The following CRYBG3 variants were observed in gnomAD, a reference collection of about 807,000 sequenced individuals.
CRYBG3 encodes the protein crystallin beta-gamma domain containing 3.
Under a neutral mutation model 244.2 loss-of-function variants are expected in CRYBG3, and 127 were observed. That is an observed-to-expected ratio of 0.52 (90% CI 0.45 to 0.60). The LOEUF (loss-of-function observed/expected upper bound fraction) is 0.60. CRYBG3 is among the 20% of genes least tolerant of loss of function. The pLI is 0.00. For missense variants in CRYBG3, 3,325 were observed against 3,442.5 expected (o/e 0.97, Z 0.85); for synonymous variants, 1,132 against 1,195.8 (o/e 0.95, Z 1.10).
chr3:97,853,590 G>A (rs1165012348), intron 2 of CRYBG3, among the ~76,000 whole-genome samples: 1 of 152,084 alleles, frequency 6.6e-6, no homozygotes, highest in Non-Finnish European at 1.5e-5. Flanking sequence ...GGGATTGCTG[G>A]ATAAAATGGT....
chr3:97,882,634 C>T (rs1348471437), intron 7 of CRYBG3, among the ~76,000 whole-genome samples: 2 of 152,090 alleles, frequency 1.3e-5, no homozygotes, highest in South Asian at 4.1e-4. Context: ...TACAGTTACT[C>T]ATGTGACAGT....
chr3:97,877,349 T>A lies in CRYBG3; in HGVS notation c.6155T>A (p.Phe2052Tyr). 1 of 1,614,086 alleles carries A rather than the reference T, an allele frequency of 6.2e-7. No homozygotes were observed. Among genetic ancestry groups the A allele is most frequent in the Non-Finnish European group, 8.5e-7 (1 of 1,179,972 alleles). ...AGTAGAACTGACCTTGTCCATCACT[T>A]TGAAAAAGGTACTAAATTAGGTGAG... The part of the protein sequence containing the change: ...SESRTDLVHH[F>Y]EKGTKLGETF... Residue 2052 changes from phenylalanine to tyrosine, a missense_variant, in exon 4 of 22, where the codon TTT becomes TAT. Around this residue, in one of 4 missense-constraint regions of CRYBG3, gnomAD observed 450 missense variants for 424.1 expected, o/e 1.06. Coordinates refer to ENST00000389622, the MANE Select transcript of CRYBG3 (RefSeq NM_153605.4).
At chr3:97,841,786 G>A (rs1460482914) in intron 1 of CRYBG3, among the ~76,000 whole-genome samples, 1 of 152,018 alleles carries the variant, frequency 6.6e-6, no homozygotes, top group African/African-American at 2.4e-5. Flanking sequence ...ATTTCATAAC[G>A]GGTCAGCCCT....
intron 2 of CRYBG3, among the ~76,000 whole-genome samples, chr3:97,849,012 C>T (rs904346759): frequency 3.3e-5 from 5 of 152,224 alleles, no homozygotes; most frequent in Non-Finnish European, 7.3e-5. Context: ...ATGGAAAGAA[C>T]ACAGTCTTTG....
At chr3:97,831,419 T>G (rs2038651901) in intron 1 of CRYBG3, among the ~76,000 whole-genome samples, 1 of 152,128 alleles carries the variant, frequency 6.6e-6, no homozygotes, top group African/African-American at 2.4e-5. Context: ...AGAACAGAAC[T>G]TCATTCTGTG....
chr3:97,824,499 C>T (rs2038552833), intron 1 of CRYBG3, among the ~76,000 whole-genome samples: 1 of 152,172 alleles, frequency 6.6e-6, no homozygotes, highest in Non-Finnish European at 1.5e-5. Context: ...CGTACTGGGA[C>T]AAACACCAGG....
chr3:97,827,808 G>A (rs1417716153), intron 1 of CRYBG3, among the ~76,000 whole-genome samples: 1 of 152,168 alleles, frequency 6.6e-6, no homozygotes, highest in Non-Finnish European at 1.5e-5. Flanking sequence ...ATTGGTAGTA[G>A]AGTCAAGAGT....
chr3:97,872,809 T>A lies in CRYBG3; in HGVS notation c.1615T>A (p.Ser539Thr). ...AACAGAAAGTGCCTCAGCTGGTGAA[T>A]CCATAGCTTCAAGTCATGTAAAAGC... ...RETESASAGE[S>T]IASSHVKAPE... is the part of the protein sequence containing the mutation. Residue 539 changes from serine (S) to threonine (T), a missense_variant, in exon 4 of 22, where the codon TCC becomes ACC. Coordinates refer to ENST00000389622, the MANE Select transcript of CRYBG3 (RefSeq NM_153605.4). 6.5e-7 allele frequency: 1 copy of A among 1,535,946 alleles called. No homozygotes were observed. Among genetic ancestry groups the A allele is most frequent in the Non-Finnish European group, 8.7e-7 (1 of 1,146,806 alleles).
chr3:97,933,107 C>CA, intron 17 of CRYBG3: 1 of 455,124 alleles, frequency 2.2e-6, no homozygotes, highest in Non-Finnish European at 4.4e-6. Flanking sequence ...GTCTTGCATA[C>CA]ATTAATGAAT....
chr3:97,848,158 G>GT (rs2108178823), intron 2 of CRYBG3, among the ~76,000 whole-genome samples: 1 of 152,158 alleles, frequency 6.6e-6, no homozygotes, highest in Admixed American at 6.5e-5. Flanking sequence ...TCCTTATTAG[G>GT]TTTTCAACTC....
intron 16 of CRYBG3, among the ~76,000 whole-genome samples, chr3:97,912,723 C>T (rs181804477): frequency 1.3e-5 from 2 of 152,226 alleles, no homozygotes; most frequent in Non-Finnish European, 2.9e-5. Flanking sequence ...AGATCACATA[C>T]CAAATTTCAG....
At position 97,878,408 on chromosome 3, in the gene CRYBG3, TCAAA is replaced by T. The variant is rs370024966; in HGVS notation, c.6843+380_6843+383del. On this transcript the variant is annotated intron_variant, in intron 4 of 21. Coordinates refer to ENST00000389622, the MANE Select transcript of CRYBG3 (RefSeq NM_153605.4). ...CTGGGCTATAGAGTGAGACTCCGTC[TCAAA>T]CAAACAAAGCAAAAAAGAAAATGTT... 7.6e-4 allele frequency among the ~76,000 whole-genome samples: 116 copies of T among 152,310 alleles called. 2 individuals carry two copies. The South Asian group carries it at 0.019, about 25-fold the overall frequency.
In CRYBG3 at chr3:97,874,865, G is replaced by A; in HGVS notation, c.3671G>A (p.Cys1224Tyr). 7 of 1,535,500 alleles carry A rather than the reference G, an allele frequency of 4.6e-6. No homozygotes were observed. Among genetic ancestry groups the A allele is most frequent in the Non-Finnish European group, 6.1e-6 (7 of 1,146,688 alleles). Residue 1224 changes from cysteine (C) to tyrosine (Y), a missense_variant, in exon 4 of 22, where the codon TGC becomes TAC. Physicochemically the swap from Cys to Tyr is radical, Grantham distance 194. This residue lies in a region of CRYBG3 where 1,526 missense variants were observed against 1,443.2 expected (regional missense o/e 1.06). Transcript: ENST00000389622. ...ELKFKHTVST[C>Y]QEHIAIEGIM... ...AAATTCAAACACACAGTGAGTACCT[G>A]CCAGGAGCATATAGCCATAGAAGGT...
chr3:97,893,426 A>T (rs1284756486), intron 11 of CRYBG3, among the ~76,000 whole-genome samples: 1 of 152,204 alleles, frequency 6.6e-6, no homozygotes, highest in East Asian at 1.9e-4. Flanking sequence ...AGGATTTTTG[A>T]CATTGGTTGC....
intron 15 of CRYBG3, among the ~76,000 whole-genome samples, chr3:97,908,911 C>T (rs2039824909): frequency 6.6e-6 from 1 of 152,038 alleles, no homozygotes; most frequent in African/African-American, 2.4e-5. Flanking sequence ...ATGTTTAGCG[C>T]TTCCTTCAGG....
intron 1 of CRYBG3, among the ~76,000 whole-genome samples, chr3:97,841,481 A>T (rs2038817721): frequency 6.6e-6 from 1 of 151,058 alleles, no homozygotes; most frequent in Non-Finnish European, 1.5e-5. Flanking sequence ...CCAGGTGTTC[A>T]TGATTTATTT....
chr3:97,876,413 ATACT>A lies in CRYBG3; in HGVS notation c.5223_5226del (p.Tyr1742GlnfsTer13), dbSNP rs1263936141. 2 of 1,232,032 alleles carry A rather than the reference ATACT, an allele frequency of 1.6e-6. No individual in the cohort carries two copies. The highest frequency in any genetic ancestry group is 1.6e-5 in the African/African-American group (1 of 64,410). The allele number at this position is 1,232,032 out of a possible 1,614,324, so 76.3% of individuals were successfully genotyped here. ...ATGCCTGTGAGGTTAGAAATGGAAA[ATACT>A]TACCCAAAGGATACTGAAAGAGACG... On this transcript the variant is annotated frameshift_variant, in exon 4 of 22. Coordinates refer to ENST00000389622, the MANE Select transcript of CRYBG3 (RefSeq NM_153605.4). LOFTEE classifies it high-confidence loss of function.
At chr3:97,856,730 GC>G (rs1231337566) in intron 2 of CRYBG3, among the ~76,000 whole-genome samples, 1 of 152,034 alleles carries the variant, frequency 6.6e-6, no homozygotes, top group Non-Finnish European at 1.5e-5. Context: ...TTTCTGGTAA[GC>G]CTTTGTATTA....
intron 7 of CRYBG3, among the ~76,000 whole-genome samples, chr3:97,883,804 A>G (rs926075159): frequency 2.6e-5 from 4 of 152,154 alleles, no homozygotes; most frequent in South Asian, 2.1e-4. Context: ...CCTTTTTCCA[A>G]CGTTGTCAGA....
Sources: gnomAD v4.1 joint callset for allele counts (sites outside exome capture counted in the v4.1 genomes callset) on GRCh38, gnomAD v4.1.1 for gene constraint, gnomAD v4.1.1 regional missense constraint, MANE v1.5 for transcripts, NCBI Gene and HGNC (gene_info 2026-07-23, HGNC 2026-07-21) for gene names.